Variants in FMN1 observed in about 807,000 individuals in gnomAD.
The protein encoded by FMN1 is formin 1.
Under a neutral mutation model 132.4 loss-of-function variants are expected in FMN1, and 110 were observed. That is an observed-to-expected ratio of 0.83 (90% confidence interval 0.71 to 0.97). The LOEUF is 0.97. FMN1 is among the 50% of genes least tolerant of loss of function. The pLI is 0.00. For synonymous variants in FMN1, 722 were observed against 651.7 expected (o/e 1.11, Z -1.64); for missense variants, 1,792 against 1,705.3 (o/e 1.05, Z -0.90).
chr15:32,833,007 A>T (rs972714026), intron 17 of FMN1, among the ~76,000 whole-genome samples: 6 of 152,092 alleles, frequency 3.9e-5, no homozygotes, highest in African/African-American at 1.4e-4. Context: ...TTGTCCTTCT[A>T]AAGTGTTAGC....
intron 4 of FMN1, among the ~76,000 whole-genome samples, chr15:33,118,488 AAATT>A (rs1397294993): frequency 2.6e-5 from 4 of 152,218 alleles, no homozygotes; most frequent in East Asian, 1.9e-4. Context: ...CTTAATGCTG[AAATT>A]AATTACCTTT....
intron 16 of FMN1, among the ~76,000 whole-genome samples, chr15:32,866,276 T>C (rs1217560471): frequency 6.6e-6 from 1 of 151,920 alleles, no homozygotes; most frequent in Non-Finnish European, 1.5e-5. Flanking sequence ...CTACTCTTGA[T>C]TTAAAGATGC....
intron 19 of FMN1, 100 bp from the exon 20 acceptor site, chr15:32,777,019 A>G (rs1037353952): frequency 3.2e-6 from 2 of 624,990 alleles, no homozygotes; most frequent in African/African-American, 1.9e-5. Flanking sequence ...CATAAACCCA[A>G]ATGCTTTTGA....
In FMN1 at chr15:32,777,480, T is replaced by TTTA. The variant is rs1567149105; in HGVS notation, c.4131-562_4131-561insTAA. ...TTTATATATTACGTATATTTATATA[T>TTTA]TATATTTATATATTACGTATAACAT... On this transcript the variant is annotated intron_variant, in intron 19 of 20. Transcript: ENST00000616417. Among the ~76,000 whole-genome samples, 6 of 120,664 alleles carry TTTA rather than the reference T, an allele frequency of 5.0e-5. 1 individual carries two copies. In the East Asian group the frequency reaches 6.2e-4, roughly 13 times the overall value. The allele number at this position is 120,664 out of a possible 152,430, so 79.2% of individuals were successfully genotyped here.
At chr15:33,174,699 G>A (rs1235351473) in intron 3 of FMN1, among the ~76,000 whole-genome samples, 2 of 152,138 alleles carry the variant, frequency 1.3e-5, no homozygotes, top group Non-Finnish European at 2.9e-5. Context: ...TTATATTCTT[G>A]AGAGCATAGG....
rs537485981 is a variant in FMN1 at position 32,914,181 on chromosome 15, A to G, written c.3227-3646T>C. Reference sequence around the variant, plus strand: ...AGGAAAATATCTTTCCTTATTCAAAAAAGTTTTAAATAGCTGTATCTCCTT... The same window carrying G: ...AGGAAAATATCTTTCCTTATTCAAAGAAGTTTTAAATAGCTGTATCTCCTT... On this transcript the variant is annotated intron_variant, in intron 10 of 20. Transcript: ENST00000616417. Among the ~76,000 whole-genome samples, 69 of 152,336 alleles carry G rather than the reference A, an allele frequency of 4.5e-4. No homozygotes were observed. The East Asian group carries it at 0.012, about 26-fold the overall frequency.
chr15:33,147,059 G>A (rs1964252801), intron 4 of FMN1, among the ~76,000 whole-genome samples: 1 of 151,928 alleles, frequency 6.6e-6, no homozygotes, highest in Non-Finnish European at 1.5e-5. Context: ...CAGCTAGCTG[G>A]GAGGCTGAGG....
intron 15 of FMN1, 132 bp from the exon 16 acceptor site, chr15:32,888,424 C>A: frequency 2.8e-6 from 2 of 706,578 alleles, no homozygotes; most frequent in East Asian, 2.8e-5. Context: ...CAATGCTCCT[C>A]TGCTATTCCT....
At chr15:33,069,457 G>C (rs2141269609) in intron 5 of FMN1, among the ~76,000 whole-genome samples, 1 of 152,280 alleles carries the variant, frequency 6.6e-6, no homozygotes, top group East Asian at 1.9e-4. Context: ...GAAGATTGTG[G>C]TCAAGTGTTA....
At chr15:32,907,357 G>A (rs1009838516) in intron 12 of FMN1, among the ~76,000 whole-genome samples, 11 of 152,094 alleles carry the variant, frequency 7.2e-5, no homozygotes, top group Admixed American at 5.2e-4. Flanking sequence ...CATAAGGAGC[G>A]TGCAACCTGG....
At chr15:33,064,793 A>C in intron 6 of FMN1, 164 bp downstream of exon 6, 1 of 485,828 alleles carries the variant, frequency 2.1e-6, no homozygotes, top group East Asian at 3.4e-5. Flanking sequence ...CGTTAACAAT[A>C]AGTGTGCAAA....
chr15:32,893,535 G>C (rs1219497267), intron 15 of FMN1, among the ~76,000 whole-genome samples: 1 of 152,238 alleles, frequency 6.6e-6, no homozygotes. Flanking sequence ...CCAAAAACCA[G>C]GCATGAGAAT....
intron 4 of FMN1, among the ~76,000 whole-genome samples, chr15:33,106,858 CAA>C (rs2039507058): frequency 6.6e-6 from 1 of 152,036 alleles, no homozygotes; most frequent in South Asian, 2.1e-4. Flanking sequence ...TTCAGCACCC[CAA>C]AGATATGTGC....
chr15:33,007,980 A>G (rs1311944597), intron 7 of FMN1, 34 bp downstream of exon 7: 1 of 1,561,830 alleles, frequency 6.4e-7, no homozygotes, highest in Non-Finnish European at 8.7e-7. Flanking sequence ...TATCAGTTCT[A>G]TAGAACCCGT....
At chr15:33,124,393 AC>A (rs778124467) in intron 4 of FMN1, among the ~76,000 whole-genome samples, 13 of 151,854 alleles carry the variant, frequency 8.6e-5, no homozygotes, top group African/African-American at 2.4e-5. Flanking sequence ...TGTACATTTC[AC>A]CCCCCTTGCC....
intron 9 of FMN1, among the ~76,000 whole-genome samples, chr15:32,953,214 G>A (rs368342634): frequency 3.9e-5 from 6 of 152,188 alleles, no homozygotes; most frequent in African/African-American, 1.4e-4. Context: ...GCAGAGCTGT[G>A]GCTTTTCGTA....
intron 4 of FMN1, among the ~76,000 whole-genome samples, chr15:33,099,265 TG>T (rs984917149): frequency 1.9e-4 from 29 of 152,216 alleles, no homozygotes; most frequent in South Asian, 1.0e-3. Flanking sequence ...CACTTCAACC[TG>T]GGTGGCAGAC....
In FMN1 at chr15:32,816,509, C is replaced by T. The variant is rs193176743; in HGVS notation, c.3929-12177G>A. On this transcript the variant is annotated intron_variant, in intron 17 of 20. Coordinates refer to ENST00000616417, the MANE Select transcript of FMN1 (RefSeq NM_001277313.2). ...TAGTTGCTTTTTGAAGAAAGGGGCT[C>T]ATTTAATATAATCAGAAAAAGAAAC... 7.0e-3 allele frequency among the ~76,000 whole-genome samples: 1,070 copies of T among 152,188 alleles called. 14 individuals are homozygous for T. The highest frequency in any genetic ancestry group is 7.6e-3 in the Non-Finnish European group (519 of 68,008).
At chr15:33,128,865 G>A (rs577602931) in intron 4 of FMN1, among the ~76,000 whole-genome samples, 8 of 152,296 alleles carry the variant, frequency 5.3e-5, no homozygotes, top group East Asian at 3.9e-4. Flanking sequence ...GACTGCAGAG[G>A]CCTGCGTGCG....
Sources: allele counts gnomAD v4.1 joint callset (sites outside exome capture counted in the v4.1 genomes callset), GRCh38; gene constraint gnomAD v4.1.1; transcripts MANE v1.5; gene names NCBI Gene and HGNC (gene_info 2026-07-23, HGNC 2026-07-21).